EPB41L1: variants seen among roughly 807,000 people sequenced by gnomAD.
EPB41L1 encodes band 4.1-like protein 1.
A neutral mutation model predicts 97.8 loss-of-function variants in EPB41L1; 29 were observed. The observed-to-expected ratio is 0.30, with a 90% CI of 0.22 to 0.40. The LOEUF is 0.40. Ranked by LOEUF, EPB41L1 falls within the 10% of genes least tolerant of loss-of-function variation. The pLI is 1.00. For missense variants in EPB41L1, 812 were observed against 1,162.3 expected (o/e 0.70, Z 4.38); for synonymous variants, 383 against 459.2 (o/e 0.83, Z 2.12).
chr20:36,184,398 T>G (rs548595862), intron 6 of EPB41L1, among the ~76,000 whole-genome samples: 60 of 152,248 alleles, frequency 3.9e-4, no homozygotes, highest in African/African-American at 1.3e-3. Flanking sequence ...AATTGTAAAA[T>G]CGTCCAACTG....
rs1400652533 is a variant in EPB41L1, at chr20:36,194,349, A to G, written c.1438A>G (p.Lys480Glu). The G allele has an allele frequency of 1.2e-6, 2 of 1,610,902 alleles. No homozygotes were observed. The highest frequency in any genetic ancestry group is 1.7e-6 in the Non-Finnish European group (2 of 1,178,484). Residue 480 changes from lysine to glutamate, a missense_variant, in exon 12 of 22, where the codon AAG becomes GAG. Transcript: ENST00000338074. ...AGAGGTCAGGACTCCAACCAAGATC[A>G]AGGAGCTAAAGGTAGGAGCCTGGCT... ...EGEVRTPTKI[K>E]ELKPEQETTP...
intron 1 of EPB41L1, among the ~76,000 whole-genome samples, chr20:36,163,186 A>G (rs537441454): frequency 1.3e-5 from 2 of 150,720 alleles, no homozygotes; most frequent in Admixed American, 1.3e-4. Context: ...CGAAAGTAAT[A>G]CATGCTCATA....
At chr20:36,154,619 G>A (rs2060204826), upstream of EPB41L1, 1 of 922,886 alleles carries the variant, frequency 1.1e-6, no homozygotes, top group Non-Finnish European at 1.3e-6. This position sits in a 1 kb window ranked among gnomAD's most constrained non-coding sequence, Gnocchi z 5.5. Flanking sequence ...CCCCTGGGCT[G>A]GGCTCCGAGG....
chr20:36,190,766 A>G lies in EPB41L1; in HGVS notation c.1269A>G (p.Lys423=), dbSNP rs1006935090. The G allele has an allele frequency of 1.1e-5, 17 of 1,613,990 alleles. No homozygotes were observed. Among genetic ancestry groups the G allele is most frequent in the African/African-American group, 1.3e-5 (1 of 74,928 alleles). The change falls in exon 11 of 22, where the codon AAA becomes AAG. Residue 423 remains lysine, a synonymous_variant. Coordinates refer to ENST00000338074, the MANE Select transcript of EPB41L1 (RefSeq NM_012156.2). This position sits in a 1 kb window ranked among gnomAD's most constrained non-coding sequence, Gnocchi z 5.8. ...PAPFFERSSS[K]RYTMSRSLDG... The stretch of plus-strand genomic sequence containing the variant: ...CCTTCTTTGAGCGTTCTTCCAGCAA[A>G]CGGTACACCATGTCCCGCAGCCTTG...
At chr20:36,109,426 A>G (rs1371367226) in intron 1 of EPB41L1, among the ~76,000 whole-genome samples, 1 of 152,206 alleles carries the variant, frequency 6.6e-6, no homozygotes, top group African/African-American at 2.4e-5. Context: ...CCAAGTGAGT[A>G]TTTAGCACAG....
chr20:36,207,903 G>A lies in EPB41L1; in HGVS notation c.1669-1585G>A. 2 of 1,079,452 alleles carry A rather than the reference G, an allele frequency of 1.9e-6. No individual in the cohort carries two copies. Among genetic ancestry groups the A allele is most frequent in the Non-Finnish European group, 2.4e-6 (2 of 837,196 alleles). The allele number at this position is 1,079,452 out of a possible 1,614,324, so 66.9% of individuals were successfully genotyped here. The stretch of plus-strand genomic sequence containing the variant: ...CTCGTCATTTCTGCAATCAGAGGCT[G>A]CTTATCCATCCCTGTGAGTTTTTTC... On this transcript the variant is annotated intron_variant, in intron 14 of 21. Coordinates refer to ENST00000338074, the MANE Select transcript of EPB41L1 (RefSeq NM_012156.2). This position sits in a 1 kb window ranked among gnomAD's most constrained non-coding sequence, Gnocchi z 4.9.
chr20:36,188,509 C>A lies in EPB41L1; in HGVS notation c.1026+10C>A. 6.3e-7 allele frequency: 1 copy of A among 1,579,714 alleles called. No homozygotes were observed. Among genetic ancestry groups the A allele is most frequent in the Non-Finnish European group, 8.6e-7 (1 of 1,159,772 alleles). ...GATCCGGCCTGGGGAGGTGAGTCTGCCTTGGGAAACACTCCTCCTCACCGG... is the reference window on the plus strand; with the variant it reads ...GATCCGGCCTGGGGAGGTGAGTCTGACTTGGGAAACACTCCTCCTCACCGG... On this transcript the variant is annotated intron_variant, in intron 9 of 21. Transcript: ENST00000338074.
intron 16 of EPB41L1, 60 bp from the exon 17 acceptor site, chr20:36,214,297 T>G (rs2063313403): frequency 1.4e-6 from 2 of 1,395,310 alleles, no homozygotes; most frequent in Middle Eastern, 3.5e-4. Flanking sequence ...TGAGCCCAGG[T>G]GACAGATGCT....
At chr20:36,221,304 T>C (rs1054352033) in intron 19 of EPB41L1, among the ~76,000 whole-genome samples, 1 of 152,264 alleles carries the variant, frequency 6.6e-6, no homozygotes, top group Non-Finnish European at 1.5e-5. Context: ...TTTTCTCTTG[T>C]AGTATTTTTT....
chr20:36,215,124 G>A (rs900687983), intron 17 of EPB41L1, among the ~76,000 whole-genome samples: 5 of 151,546 alleles, frequency 3.3e-5, no homozygotes, highest in South Asian at 4.2e-4. Context: ...AATGTGCTGA[G>A]ACTCCTGAGT....
In EPB41L1 at chr20:36,092,126, G is replaced by C. The variant is rs916995881; in HGVS notation, c.-65+514G>C. ...GGGCTATCCTCCGCGAGCCCTGGCC[G>C]CGGGAACAATGGGAGCGCGGCGTGG... On this transcript the variant is annotated intron_variant, in intron 1 of 19. Transcript: ENST00000202028. This position sits in a 1 kb window ranked among gnomAD's most constrained non-coding sequence, Gnocchi z 7.0. Among the ~76,000 whole-genome samples the C allele has an allele frequency of 6.6e-6, 1 of 152,144 alleles. No homozygotes were observed. The highest frequency in any genetic ancestry group is 1.5e-5 in the Non-Finnish European group (1 of 68,014).
In EPB41L1 at chr20:36,185,286, C is replaced by A. The variant is rs1309248193; in HGVS notation, c.736C>A (p.Gln246Lys). Residue 246 changes from glutamine to lysine, a missense_variant, in exon 7 of 22, where the codon CAG becomes AAG. Gln to Lys is a moderately conservative substitution (Grantham distance 53, BLOSUM62 1). Coordinates refer to ENST00000338074, the MANE Select transcript of EPB41L1 (RefSeq NM_012156.2). ...CAGCGAGCTCCGCTTCGCCCCTAACCAGACCCGGGAGCTGGAGGAGAGGAT... is the reference window on the plus strand; with the variant it reads ...CAGCGAGCTCCGCTTCGCCCCTAACAAGACCCGGGAGCTGGAGGAGAGGAT... ...YVSELRFAPN[Q>K]TRELEERIME... 6.2e-7 allele frequency: 1 copy of A among 1,613,776 alleles called. No homozygotes were observed.
chr20:36,141,745 G>A (rs60457142), intron 2 of EPB41L1, among the ~76,000 whole-genome samples: 3,403 of 152,226 alleles, frequency 0.022, 96 homozygotes, highest in East Asian at 0.13. Context: ...ATAAAACAAC[G>A]TCTGGTAACA....
intron 13 of EPB41L1, chr20:36,197,629 A>T: frequency 1.0e-6 from 1 of 985,244 alleles, no homozygotes; most frequent in African/African-American, 1.7e-5. Context: ...TTGACTAGAC[A>T]TCTCCTCTTT....
At chr20:36,157,749 C>G (rs2060368584) in intron 1 of EPB41L1, among the ~76,000 whole-genome samples, 1 of 152,276 alleles carries the variant, frequency 6.6e-6, no homozygotes, top group Middle Eastern at 3.4e-3. Context: ...TGGCCAGGGT[C>G]CCCCAGAAGT....
chr20:36,095,524 G>A (rs2057801411), intron 1 of EPB41L1, among the ~76,000 whole-genome samples: 1 of 152,208 alleles, frequency 6.6e-6, no homozygotes, highest in Non-Finnish European at 1.5e-5. Context: ...GGTTTACCTG[G>A]CTAGGCAGCT....
chr20:36,141,610 G>C (rs745515877), intron 2 of EPB41L1, among the ~76,000 whole-genome samples: 6 of 152,202 alleles, frequency 3.9e-5, no homozygotes, highest in Non-Finnish European at 8.8e-5. Context: ...AATGGTTCAG[G>C]CCAGAAGCTT....
In EPB41L1 at chr20:36,141,342, A is replaced by T. The variant is rs34680383; in HGVS notation, c.-10+28862A>T. Among the ~76,000 whole-genome samples the T allele has an allele frequency of 5.4e-4, 81 of 150,190 alleles. 1 individual carries two copies. The highest frequency in any genetic ancestry group is 2.0e-3 in the African/African-American group (80 of 40,920). On this transcript the variant is annotated intron_variant, in intron 2 of 19. Transcript: ENST00000202028. Reference sequence around the variant, plus strand: ...GTTCACTACGACTGTCATCTTTATTATTTTTTTTTTCTTTTACTGTCAGAT... The same window carrying T: ...GTTCACTACGACTGTCATCTTTATTTTTTTTTTTTTCTTTTACTGTCAGAT...
rs150781382 is a variant in EPB41L1 at position 36,177,982 on chromosome 20, C to T, written c.373C>T (p.Leu125=). The part of the protein sequence containing the change: ...KHGRGQVLFD[L]VCEHLNLLEK... ...TGGCCGGGGCCAGGTGCTGTTTGACCTGGTCTGTGAACACCTCAACCTCCT... is the reference window on the plus strand; with the variant it reads ...TGGCCGGGGCCAGGTGCTGTTTGACTTGGTCTGTGAACACCTCAACCTCCT... Residue 125 remains leucine (L), a synonymous_variant, in exon 4 of 22, where the codon CTG becomes TTG. Transcript: ENST00000338074. The T allele has an allele frequency of 1.2e-6, 2 of 1,614,190 alleles. No individual in the cohort carries two copies. Among genetic ancestry groups the T allele is most frequent in the Non-Finnish European group, 8.5e-7 (1 of 1,180,024 alleles).
Sources: gnomAD v4.1 joint callset for allele counts (sites outside exome capture counted in the v4.1 genomes callset) on GRCh38, gnomAD v4.1.1 for gene constraint, Gnocchi (gnomAD v3.1) non-coding constraint, MANE v1.5 for transcripts, NCBI Gene and HGNC (gene_info 2026-07-23, HGNC 2026-07-21) for gene names.